KCNS3: variants seen among roughly 807,000 people sequenced by gnomAD.
KCNS3 encodes delayed-rectifier potassium channel regulatory subunit KCNS3.
Under a neutral mutation model 31.0 loss-of-function variants are expected in KCNS3, and 13 were observed. The ratio of observed to expected loss-of-function variants is 0.42; its 90% CI spans 0.27 to 0.67. The LOEUF (loss-of-function observed/expected upper bound fraction) is 0.67. Ranked by LOEUF, KCNS3 falls within the 30% of genes least tolerant of loss-of-function variation. The pLI is 0.25. For missense variants in KCNS3, 545 were observed against 622.4 expected, an observed-to-expected ratio of 0.88 and a Z score of 1.32; for synonymous variants, 238 against 241.5, an observed-to-expected ratio of 0.99 and a Z score of 0.13.
At chr2:17,916,311 C>T (rs1313412775) in intron 1 of KCNS3, among the ~76,000 whole-genome samples, 1 of 151,576 alleles carries the variant, frequency 6.6e-6, no homozygotes, top group Admixed American at 6.6e-5. Flanking sequence ...TGAGGCTGAC[C>T]CAAGGACATG....
chr2:17,914,554 T>A (rs189582310), intron 1 of KCNS3, among the ~76,000 whole-genome samples: 2 of 152,354 alleles, frequency 1.3e-5, no homozygotes, highest in African/African-American at 2.4e-5. Flanking sequence ...ACTTACCAGC[T>A]GCCTTTCATT....
rs756856531 is a variant in KCNS3, at chr2:17,931,485, T to C, written c.477T>C (p.Phe159=). The C allele has an allele frequency of 6.2e-7, 1 of 1,614,192 alleles. No individual in the cohort carries two copies. The highest frequency in any genetic ancestry group is 1.7e-5 in the Admixed American group (1 of 60,028). ...SSLFEKELEK[F]DTLRFGQLRK... is the part of the protein sequence containing the mutation. ...TGTTTGAGAAAGAGCTGGAGAAGTT[T>C]GACACACTGCGATTTGGTCAGCTCC... Residue 159 remains phenylalanine (F), a synonymous_variant, in exon 3 of 3, where the codon TTT becomes TTC. Transcript: ENST00000304101. The surrounding 1 kb of genome is among the most constrained non-coding windows in gnomAD (Gnocchi z 5.4).
At chr2:17,919,931 G>A (rs1228156351) in intron 2 of KCNS3, among the ~76,000 whole-genome samples, 1 of 152,098 alleles carries the variant, frequency 6.6e-6, no homozygotes. Flanking sequence ...GGAGACATGG[G>A]TATGGATTGA....
rs369995831 is a variant in KCNS3, at chr2:17,896,088, A to C, written c.-252+17282A>C. ...TAGAGATGGGCTCACTCTGTTGCCC[A>C]GTGGAGTGCAGTGGCACAATCATAG... is the stretch of plus-strand genomic sequence containing the variant. On this transcript the variant is annotated intron_variant, in intron 1 of 2. Coordinates refer to ENST00000304101, the MANE Select transcript of KCNS3 (RefSeq NM_002252.5). Among the ~76,000 whole-genome samples the C allele has an allele frequency of 2.0e-5, 3 of 152,122 alleles. No individual in the cohort carries two copies. The South Asian group carries it at 6.2e-4, about 32-fold the overall frequency.
rs35353595 is a variant in KCNS3 at position 17,931,723 on chromosome 2, G to A, written c.715G>A (p.Val239Ile). 7.6e-4 allele frequency: 1,231 copies of A among 1,614,018 alleles called. 8 individuals carry two copies. In the African/African-American group the frequency reaches 0.015, roughly 19 times the overall value. Residue 239 changes from valine (V) to isoleucine (I), a missense_variant, in exon 3 of 3, where the codon GTC becomes ATC. Coordinates refer to ENST00000304101, the MANE Select transcript of KCNS3 (RefSeq NM_002252.5). The surrounding 1 kb of genome is among the most constrained non-coding windows in gnomAD (Gnocchi z 5.4). ...CIAWFTGELAVRLAAAPCQKK... is the reference protein window; with the variant it reads ...CIAWFTGELAIRLAAAPCQKK... Reference sequence around the variant, plus strand: ...TGCCTGGTTCACCGGGGAGCTTGCCGTCCGGCTGGCTGCCGCTCCTTGTCA... The same window carrying A: ...TGCCTGGTTCACCGGGGAGCTTGCCATCCGGCTGGCTGCCGCTCCTTGTCA...
Position 17,932,643 on chromosome 2 carries a change from C to A in KCNS3, c.*159C>A. The A allele has an allele frequency of 1.4e-6, 1 of 721,274 alleles. No homozygotes were observed. Among genetic ancestry groups the A allele is most frequent in the Non-Finnish European group, 2.2e-6 (1 of 452,442 alleles). The allele number at this position is 721,274 out of a possible 1,614,324, so 44.7% of individuals were successfully genotyped here. A position where few individuals can be genotyped will look rare whatever the true frequency, so the allele number is the denominator to read the frequency against. On this transcript the variant is annotated 3_prime_UTR_variant, in exon 3 of 3. Coordinates refer to ENST00000304101, the MANE Select transcript of KCNS3 (RefSeq NM_002252.5). ...CTGAATTCTGAAATGATAGAATTGT[C>A]TTTATTTTTCTCTGTGAGGTCAATT...
chr2:17,881,860 T>C (rs1419311721), intron 1 of KCNS3, among the ~76,000 whole-genome samples: 1 of 152,234 alleles, frequency 6.6e-6, no homozygotes, highest in Non-Finnish European at 1.5e-5. Context: ...TCTCAAAGAC[T>C]GCGTTAGCAA....
At position 17,917,783 on chromosome 2, in the gene KCNS3, T is replaced by A. The variant is rs1401008629; in HGVS notation, c.-148T>A. 6.6e-6 allele frequency: 1 copy of A among 152,646 alleles called. No homozygotes were observed. Among genetic ancestry groups the A allele is most frequent in the Non-Finnish European group, 1.5e-5 (1 of 68,068 alleles). The allele number at this position is 152,646 out of a possible 1,614,324, so 9.5% of individuals were successfully genotyped here. ...TGCCTATGTGCACCACACATTCCAGTGTGCTGAGAAGGGCAGAGCTTCTTG... is the reference window on the plus strand; with the variant it reads ...TGCCTATGTGCACCACACATTCCAGAGTGCTGAGAAGGGCAGAGCTTCTTG... On this transcript the variant is annotated 5_prime_UTR_variant, in exon 2 of 3. Transcript: ENST00000304101.
At chr2:17,901,233 G>C (rs1662166994) in intron 1 of KCNS3, among the ~76,000 whole-genome samples, 1 of 152,128 alleles carries the variant, frequency 6.6e-6, no homozygotes, top group African/African-American at 2.4e-5. Context: ...GTAGGGAATG[G>C]AAATAGGCCT....
Position 17,929,919 on chromosome 2 carries a change from CATA to C in KCNS3, c.-59-1028_-59-1026del, listed in dbSNP as rs1167245412. Among the ~76,000 whole-genome samples the C allele has an allele frequency of 4.6e-5, 7 of 152,302 alleles. No homozygotes were observed. The East Asian group carries it at 1.4e-3, about 29-fold the overall frequency. On this transcript the variant is annotated intron_variant, in intron 2 of 2. Coordinates refer to ENST00000304101, the MANE Select transcript of KCNS3 (RefSeq NM_002252.5). ...ATATAGTGTTGGAAGGACTGAATGA[CATA>C]ATGTGTAAAGGCCTCCAGTAGTATC...
In KCNS3 at chr2:17,932,311, C is replaced by G. The variant is rs763506076; in HGVS notation, c.1303C>G (p.Leu435Val). 2 of 1,614,110 alleles carry G rather than the reference C, an allele frequency of 1.2e-6. No homozygotes were observed. The highest frequency in any genetic ancestry group is 1.7e-6 in the Non-Finnish European group (2 of 1,179,972). ...GGATGCACCAGAGAAGTGTCATGAG[C>G]TACCTTACTTTAACATTAGGGATAT... ...SEDAPEKCHE[L>V]PYFNIRDIYA... Residue 435 changes from leucine to valine, a missense_variant, in exon 3 of 3, where the codon CTA (leucine) becomes GTA (valine). Physicochemically the swap from Leu to Val is conservative, Grantham distance 32. Coordinates refer to ENST00000304101, the MANE Select transcript of KCNS3 (RefSeq NM_002252.5).
chr2:17,921,775 C>T (rs1276193353), intron 2 of KCNS3, among the ~76,000 whole-genome samples: 1 of 151,382 alleles, frequency 6.6e-6, no homozygotes, highest in Non-Finnish European at 1.5e-5. Context: ...AGTCTGCCCC[C>T]ATGATTCAAT....
Position 17,931,396 on chromosome 2 carries a change from G to A in KCNS3, c.388G>A (p.Glu130Lys), listed in dbSNP as rs1403469478. 2 of 1,614,038 alleles carry A rather than the reference G, an allele frequency of 1.2e-6. No homozygotes were observed. Among genetic ancestry groups the A allele is most frequent in the East Asian group, 2.2e-5 (1 of 44,894 alleles). The change falls in exon 3 of 3, where the codon GAG (glutamate) becomes AAG (lysine). Residue 130 changes from glutamate to lysine, a missense_variant. Glu to Lys is a moderately conservative substitution (Grantham distance 56). Coordinates refer to ENST00000304101, the MANE Select transcript of KCNS3 (RefSeq NM_002252.5). This position sits in a 1 kb window ranked among gnomAD's most constrained non-coding sequence, Gnocchi z 5.4. ...RYQERKEENH[E>K]KDWDQKSHDV... ...CCAGGAACGCAAGGAGGAAAACCAC[G>A]AGAAGGACTGGGACCAGAAAAGCCA...
At position 17,878,780 on chromosome 2, in the gene KCNS3, T is replaced by A. The variant is rs1455723070; in HGVS notation, c.-278T>A. On this transcript the variant is annotated 5_prime_UTR_variant, in exon 1 of 3. Transcript: ENST00000304101. ...GGCAGGCGGCGTCGCAGAGCGGAGC[T>A]AGCTGGATGCGTCCGGACTCCTGCA... 6.6e-6 allele frequency: 1 copy of A among 152,016 alleles called. No homozygotes were observed. Among genetic ancestry groups the A allele is most frequent in the African/African-American group, 2.4e-5 (1 of 41,430 alleles). The allele number at this position is 152,016 out of a possible 1,614,324, so 9.4% of individuals were successfully genotyped here.
At chr2:17,902,363 T>C (rs1662198611) in intron 1 of KCNS3, among the ~76,000 whole-genome samples, 1 of 118,216 alleles carries the variant, frequency 8.5e-6, no homozygotes, top group Non-Finnish European at 1.9e-5. Flanking sequence ...TGTGTGTGTG[T>C]GTGTGTGTGT....
intron 2 of KCNS3, among the ~76,000 whole-genome samples, chr2:17,925,530 G>A (rs1437575981): frequency 1.3e-5 from 2 of 152,174 alleles, no homozygotes; most frequent in African/African-American, 4.8e-5. Flanking sequence ...AGTTCCGCAG[G>A]GCTAGGGGGT....
intron 2 of KCNS3, among the ~76,000 whole-genome samples, chr2:17,928,505 G>A (rs1482376831): frequency 1.3e-5 from 2 of 152,162 alleles, no homozygotes; most frequent in Non-Finnish European, 2.9e-5. Flanking sequence ...GGCCTCAAAT[G>A]ATCCATCTGT....
chr2:17,930,910 G>A (rs1662945186), intron 2 of KCNS3, 40 bp from the exon 3 acceptor site: 8 of 1,401,610 alleles, frequency 5.7e-6, no homozygotes, highest in East Asian at 2.3e-5. Flanking sequence ...GGCTGGGCAC[G>A]GCAGGACAGA....
intron 2 of KCNS3, among the ~76,000 whole-genome samples, chr2:17,924,689 C>T (rs1662796048): frequency 6.6e-6 from 1 of 151,944 alleles, no homozygotes; most frequent in African/African-American, 2.4e-5. Context: ...CCTTAAATTC[C>T]TGAGATAAAT....
Sources: allele counts gnomAD v4.1 joint callset (sites outside exome capture counted in the v4.1 genomes callset), GRCh38; gene constraint gnomAD v4.1.1; non-coding constraint Gnocchi (gnomAD v3.1); transcripts MANE v1.5; gene names NCBI Gene and HGNC (gene_info 2026-07-23, HGNC 2026-07-21).